The following GRM4 variants were observed in gnomAD, a reference collection of about 807,000 sequenced individuals.
GRM4 encodes glutamate metabotropic receptor 4, also known as metabotropic glutamate receptor 4.
Under a neutral mutation model 81.7 loss-of-function variants are expected in GRM4, and 28 were observed. The observed-to-expected ratio is 0.34, with a 90% CI of 0.25 to 0.47. The LOEUF (loss-of-function observed/expected upper bound fraction) is 0.47. Ranked by LOEUF, GRM4 falls within the 20% of genes least tolerant of loss-of-function variation. GRM4 has a pLI of 1.00. For missense variants in GRM4, 948 were observed against 1,290.0 expected (o/e 0.73, Z 4.06); for synonymous variants, 488 against 528.8 (o/e 0.92, Z 1.06).
In GRM4 at chr6:34,078,247, A is replaced by G. The variant is rs1767415368; in HGVS notation, c.736+13636T>C. ...TCCTCTGCGCTTCCTGTCTTCCCCT[A>G]CTCTCTCCTGCCCACCTTCTGCTTC... On this transcript the variant is annotated intron_variant, in intron 3 of 10. Coordinates refer to ENST00000538487, the MANE Select transcript of GRM4 (RefSeq NM_000841.4). This position sits in a 1 kb window ranked among gnomAD's most constrained non-coding sequence, Gnocchi z 4.8. Among the ~76,000 whole-genome samples the G allele has an allele frequency of 6.6e-6, 1 of 151,244 alleles. No homozygotes were observed. Among genetic ancestry groups the G allele is most frequent in the Non-Finnish European group, 1.5e-5 (1 of 67,840 alleles).
intron 10 of GRM4, among the ~76,000 whole-genome samples, chr6:34,027,411 C>T (rs982436784): frequency 6.6e-6 from 1 of 152,140 alleles, no homozygotes; most frequent in Non-Finnish European, 1.5e-5. Context: ...GCCTGGTGCC[C>T]TCCCCCACCA....
Position 34,035,854 on chromosome 6 carries a change from C to T in GRM4, c.2256G>A (p.Ser752=), listed in dbSNP as rs1281779944. 44 of 1,611,810 alleles carry T rather than the reference C, an allele frequency of 2.7e-5. No homozygotes were observed. The highest frequency in any genetic ancestry group is 3.3e-4 in the Middle Eastern group (2 of 6,058). ...GVLKCDISDL[S]LICLLGYSML... ...TGCTGTAGCCCAGCAGGCAGATGAG[C>T]GACAGGTCCGAGATGTCACACTTGA... The change falls in exon 9 of 11, where the codon TCG becomes TCA. Residue 752 remains serine (S), a synonymous_variant. Coordinates refer to ENST00000538487, the MANE Select transcript of GRM4 (RefSeq NM_000841.4). This position sits in a 1 kb window ranked among gnomAD's most constrained non-coding sequence, Gnocchi z 6.6.
intron 6 of GRM4, among the ~76,000 whole-genome samples, chr6:34,052,378 G>A (rs539836277): frequency 2.2e-4 from 33 of 152,282 alleles, no homozygotes; most frequent in Admixed American, 4.6e-4. Context: ...CTCTTCTTGG[G>A]GGAACTCCAC....
rs1332978170 is a variant in GRM4 at position 34,092,787 on chromosome 6, C to G, written c.520-688G>C. ...GCCGACCCGGGGCCCTGCCCCAGCC[C>G]CGGGGCTTTCCAGTCACGGGGCATC... is the stretch of plus-strand genomic sequence containing the variant. On this transcript the variant is annotated intron_variant, in intron 2 of 10. Transcript: ENST00000538487. This position sits in a 1 kb window ranked among gnomAD's most constrained non-coding sequence, Gnocchi z 6.8. Among the ~76,000 whole-genome samples the G allele has an allele frequency of 6.6e-6, 1 of 152,052 alleles. No homozygotes were observed. The highest frequency in any genetic ancestry group is 1.5e-5 in the Non-Finnish European group (1 of 67,968).
At chr6:34,096,771 G>A (rs1036869020) in intron 2 of GRM4, among the ~76,000 whole-genome samples, 2 of 152,218 alleles carry the variant, frequency 1.3e-5, no homozygotes, top group African/African-American at 4.8e-5. Flanking sequence ...GTGACTGAGG[G>A]GTGGAAGGAT....
chr6:34,091,452 C>G (rs1768205616), intron 3 of GRM4: 1 of 184,316 alleles, frequency 5.4e-6, no homozygotes, highest in Non-Finnish European at 1.1e-5. Flanking sequence ...CCACCCTCAC[C>G]CCCACCACAG....
At chr6:34,137,445 G>A (rs1481923149) in intron 1 of GRM4, among the ~76,000 whole-genome samples, 1 of 152,244 alleles carries the variant, frequency 6.6e-6, no homozygotes, top group African/African-American at 2.4e-5. Flanking sequence ...GACAGCTGCA[G>A]ACTACCCCTT....
intron 1 of GRM4, among the ~76,000 whole-genome samples, chr6:34,139,742 G>C (rs921802186): frequency 1.3e-5 from 2 of 152,244 alleles, no homozygotes; most frequent in African/African-American, 4.8e-5. Flanking sequence ...CCCAGGACAG[G>C]GGATCTGCAG....
chr6:34,130,575 C>T lies in GRM4; in HGVS notation c.519+2403G>A, dbSNP rs952412006. Among the ~76,000 whole-genome samples, 1 of 152,246 alleles carries T rather than the reference C, an allele frequency of 6.6e-6. No individual in the cohort carries two copies. The highest frequency in any genetic ancestry group is 1.5e-5 in the Non-Finnish European group (1 of 68,048). ...CCCATGCTGGGAGAGGTTAGCACAG[C>T]AGCTGCAGCCCACTCCCCTGTCTGG... is the stretch of plus-strand genomic sequence containing the variant. On this transcript the variant is annotated intron_variant, in intron 2 of 10. Coordinates refer to ENST00000538487, the MANE Select transcript of GRM4 (RefSeq NM_000841.4). The surrounding 1 kb of genome is among the most constrained non-coding windows in gnomAD (Gnocchi z 4.1).
intron 2 of GRM4, among the ~76,000 whole-genome samples, chr6:34,122,742 G>GTCTGTCTGTCTA (rs1769863694): frequency 6.6e-6 from 1 of 152,016 alleles, no homozygotes; most frequent in Non-Finnish European, 1.5e-5. Flanking sequence ...CTGTCTGTCT[G>GTCTGTCTGTCTA]TCTGTCTGTC....
At position 34,136,563 on chromosome 6, in the gene GRM4, GACACACACACACACACAC is replaced by G. The variant is rs10635207; in HGVS notation, c.-363-2722_-363-2705del. On this transcript the variant is annotated intron_variant, in intron 1 of 10. Transcript: ENST00000538487. This position sits in a 1 kb window ranked among gnomAD's most constrained non-coding sequence, Gnocchi z 4.1. Reference sequence around the variant, plus strand: ...GCTGAGCAGTGCATGCGCGCGTGCGGACACACACACACACACACACACACACACACACACACACACACG... The same window carrying G: ...GCTGAGCAGTGCATGCGCGCGTGCGGACACACACACACACACACACACACG... 3.5e-5 allele frequency among the ~76,000 whole-genome samples: 5 copies of G among 142,430 alleles called. No homozygotes were observed. Among genetic ancestry groups the G allele is most frequent in the Admixed American group, 1.4e-4 (2 of 14,502 alleles). The allele number at this position is 142,430 out of a possible 152,430, so 93.4% of individuals were successfully genotyped here.
rs561445088 is a variant in GRM4, at chr6:34,092,131, G to A, written c.520-32C>T. ...GGCGAGAGGGGCTGCTGAGGGTGGC[G>A]ACTGGCTCCCCACCCTGCCTAGCCA... is the stretch of plus-strand genomic sequence containing the variant. On this transcript the variant is annotated intron_variant, in intron 2 of 10. Coordinates refer to ENST00000538487, the MANE Select transcript of GRM4 (RefSeq NM_000841.4). The surrounding 1 kb of genome is among the most constrained non-coding windows in gnomAD (Gnocchi z 6.8). The A allele has an allele frequency of 2.5e-5, 37 of 1,470,646 alleles. No individual in the cohort carries two copies. The highest frequency in any genetic ancestry group is 1.6e-4 in the East Asian group (7 of 43,560). 91.1% of individuals were successfully genotyped at this position (1,470,646 alleles called of 1,614,324 possible). A position where few individuals can be genotyped will look rare whatever the true frequency, so the allele number is the denominator to read the frequency against.
intron 2 of GRM4, among the ~76,000 whole-genome samples, chr6:34,127,237 T>C (rs1770057990): frequency 6.6e-6 from 1 of 152,050 alleles, no homozygotes; most frequent in African/African-American, 2.4e-5. Context: ...AGAGACAGAA[T>C]AGCCAGGGGC....
At chr6:34,128,267 A>T (rs902908252) in intron 2 of GRM4, among the ~76,000 whole-genome samples, 1 of 151,552 alleles carries the variant, frequency 6.6e-6, no homozygotes, top group Non-Finnish European at 1.5e-5. Context: ...GGAGTCCCTC[A>T]TGCTGACTTA....
Position 34,056,420 on chromosome 6 carries a change from C to A in GRM4, c.1168+124G>T, listed in dbSNP as rs547926333. On this transcript the variant is annotated intron_variant, in intron 6 of 10. Coordinates refer to ENST00000538487, the MANE Select transcript of GRM4 (RefSeq NM_000841.4). ...AACTCCACCCCAGGTGCAGGCCCAA[C>A]TGCACGTCCTGCCACGGCCGGCCGA... The A allele has an allele frequency of 9.4e-4, 803 of 851,538 alleles. 4 individuals are homozygous for A. Among genetic ancestry groups the A allele is most frequent in the Admixed American group, 3.0e-3 (124 of 41,032 alleles). 52.7% of individuals were successfully genotyped at this position (851,538 alleles called of 1,614,324 possible). A position where few individuals can be genotyped will look rare whatever the true frequency, so the allele number is the denominator to read the frequency against.
In GRM4 at chr6:34,041,480, G is replaced by A. The variant is rs900550716; in HGVS notation, c.1169-732C>T. Among the ~76,000 whole-genome samples, 2 of 152,140 alleles carry A rather than the reference G, an allele frequency of 1.3e-5. 1 individual carries two copies. Among genetic ancestry groups the A allele is most frequent in the South Asian group, 4.1e-4 (2 of 4,822 alleles). On this transcript the variant is annotated intron_variant, in intron 6 of 10. Transcript: ENST00000538487. ...AATTGCAATGACTCCCCAAGGCACCGTGACCTGGGGTCTGACCTCCCATCC... is the reference window on the plus strand; with the variant it reads ...AATTGCAATGACTCCCCAAGGCACCATGACCTGGGGTCTGACCTCCCATCC...
At chr6:34,079,983 G>A (rs2127477434) in intron 3 of GRM4, among the ~76,000 whole-genome samples, 1 of 152,068 alleles carries the variant, frequency 6.6e-6, no homozygotes, top group Admixed American at 6.5e-5. Flanking sequence ...CAGAACAAAA[G>A]CCAAAGTCCC....
chr6:34,085,987 C>T (rs566041419), intron 3 of GRM4, among the ~76,000 whole-genome samples: 1 of 152,286 alleles, frequency 6.6e-6, no homozygotes, highest in African/African-American at 2.4e-5. Flanking sequence ...GAGCTGGTGC[C>T]TGGAACATTT....
At chr6:34,103,236 C>A (rs1768932393) in intron 2 of GRM4, among the ~76,000 whole-genome samples, 2 of 152,228 alleles carry the variant, frequency 1.3e-5, no homozygotes, top group Non-Finnish European at 2.9e-5. Context: ...CAGGAGAGAA[C>A]CAGACAGACG....
Sources: allele counts gnomAD v4.1 joint callset (sites outside exome capture counted in the v4.1 genomes callset), GRCh38; gene constraint gnomAD v4.1.1; non-coding constraint Gnocchi (gnomAD v3.1); transcripts MANE v1.5; gene names NCBI Gene and HGNC (gene_info 2026-07-23, HGNC 2026-07-21).